Variants in TET2 observed in about 807,000 individuals in gnomAD.
TET2 encodes methylcytosine dioxygenase TET2.
In TET2, 299 loss-of-function variants were observed where a neutral mutation model predicts 142.9. The ratio of observed to expected loss-of-function variants is 2.09; its 90% CI spans 1.90 to 2.30. The LOEUF is 2.30. Among genes scored for constraint, TET2 ranks in the 30% most tolerant of loss-of-function variants. The probability of loss-of-function intolerance (pLI) is 0.00; values close to 1 mark genes in which losing one functional copy is unlikely to be tolerated. For synonymous variants in TET2, 819 were observed against 849.0 expected (o/e 0.96, Z 0.61); for missense variants, 2,418 against 2,378.0 (o/e 1.02, Z -0.35).
intron 1 of TET2, among the ~76,000 whole-genome samples, chr4:105,172,985 G>C (rs186988147): frequency 2.6e-5 from 4 of 152,182 alleles, no homozygotes; most frequent in Admixed American, 2.6e-4. Flanking sequence ...ATTTTTCAGA[G>C]CAGAAAGCAA....
At chr4:105,146,588 GAGGGCCCC>G (rs1284851050), upstream of TET2, 1 of 153,180 alleles carries the variant, frequency 6.5e-6, no homozygotes, top group Non-Finnish European at 1.5e-5. Context: ...AGCCGGGGCT[GAGGGCCCC>G]AGGGCGGCGG....
rs760736818 is a variant in TET2 at position 105,276,447 on chromosome 4, C to T, written c.5937C>T (p.Thr1979=). The T allele has an allele frequency of 1.3e-6, 2 of 1,551,778 alleles. No individual in the cohort carries two copies. Among genetic ancestry groups the T allele is most frequent in the South Asian group, 1.2e-5 (1 of 84,052 alleles). The change falls in exon 11 of 11, where the codon ACC becomes ACT. Residue 1979 remains threonine (T), a synonymous_variant. Transcript: ENST00000380013. ...KSLAERTMSV[T]TDSTVTTSPY... Reference sequence around the variant, plus strand: ...TTGCCGAAAGGACCATGTCCGTGACCACAGACTCCACAGTAACTACATCTC... The same window carrying T: ...TTGCCGAAAGGACCATGTCCGTGACTACAGACTCCACAGTAACTACATCTC...
At chr4:105,255,726 A>G (rs1021370997) in intron 6 of TET2, among the ~76,000 whole-genome samples, 2 of 152,092 alleles carry the variant, frequency 1.3e-5, no homozygotes, top group African/African-American at 2.4e-5. Context: ...TCTTGTAGAT[A>G]TCGTATAGTT....
At chr4:105,250,292 G>GT (rs935871999) in intron 6 of TET2, among the ~76,000 whole-genome samples, 1 of 151,220 alleles carries the variant, frequency 6.6e-6, no homozygotes, top group African/African-American at 2.4e-5. Context: ...ATCAAGACAG[G>GT]TAAGTCTTCC....
In TET2 at chr4:105,264,114, T is replaced by C. The variant is rs184526383; in HGVS notation, c.4044+2266T>C. ...TAACGTCCCAAACATTTTTTTTTTT[T>C]TTTGGTTCGAACAATAGAGGCAAAT... is the stretch of plus-strand genomic sequence containing the variant. On this transcript the variant is annotated intron_variant, in intron 8 of 10. Coordinates refer to ENST00000380013, the MANE Select transcript of TET2 (RefSeq NM_001127208.3). 3.8e-3 allele frequency among the ~76,000 whole-genome samples: 571 copies of C among 152,256 alleles called. 2 individuals are homozygous for C. Among genetic ancestry groups the C allele is most frequent in the Non-Finnish European group, 5.6e-3 (380 of 68,004 alleles).
intron 8 of TET2, 141 bp from the exon 9 acceptor site, chr4:105,269,469 G>T: frequency 1.2e-6 from 1 of 844,502 alleles, no homozygotes; most frequent in Admixed American, 2.8e-5. Context: ...GCTCTATTTT[G>T]TGTCATTCCA....
intron 8 of TET2, among the ~76,000 whole-genome samples, chr4:105,265,234 A>G (rs1003156505): frequency 2.0e-5 from 3 of 152,220 alleles, no homozygotes; most frequent in African/African-American, 7.2e-5. Flanking sequence ...CACTAGCCAC[A>G]TGTGGTTATT....
At chr4:105,265,816 G>T (rs1048217472) in intron 8 of TET2, among the ~76,000 whole-genome samples, 2 of 152,154 alleles carry the variant, frequency 1.3e-5, no homozygotes, top group Admixed American at 1.3e-4. Context: ...AGTGGCACCA[G>T]AGAGAAAGGA....
chr4:105,215,047 C>T (rs563609601), intron 2 of TET2, among the ~76,000 whole-genome samples: 26 of 152,074 alleles, frequency 1.7e-4, no homozygotes, highest in African/African-American at 5.5e-4. Context: ...ACACTGTCTC[C>T]GGGAATTAAA....
chr4:105,265,175 T>C (rs2110293828), intron 8 of TET2, among the ~76,000 whole-genome samples: 1 of 152,336 alleles, frequency 6.6e-6, no homozygotes, highest in South Asian at 2.1e-4. Flanking sequence ...TAAGAGAGCT[T>C]TCTATGAAGA....
intron 2 of TET2, among the ~76,000 whole-genome samples, chr4:105,215,438 C>G (rs1727436749): frequency 6.6e-6 from 1 of 151,840 alleles, no homozygotes; most frequent in Non-Finnish European, 1.5e-5. Flanking sequence ...TATTTATTAC[C>G]AAAAAGCCTG....
At chr4:105,184,161 T>G (rs1273281793) in intron 1 of TET2, among the ~76,000 whole-genome samples, 1 of 152,172 alleles carries the variant, frequency 6.6e-6, no homozygotes, top group Non-Finnish European at 1.5e-5. Context: ...GTGATGTTTA[T>G]AGGGTATTTT....
intron 2 of TET2, among the ~76,000 whole-genome samples, chr4:105,205,435 T>A (rs1229329379): frequency 6.6e-6 from 1 of 152,192 alleles, no homozygotes; most frequent in East Asian, 1.9e-4. Flanking sequence ...TCTAGAACAG[T>A]AAGCAAATCA....
chr4:105,242,038 T>C (rs1244243872), intron 4 of TET2: 1 of 1,237,860 alleles, frequency 8.1e-7, no homozygotes, highest in Non-Finnish European at 1.0e-6. Context: ...AGAGAAGGCC[T>C]TTCATATAAA....
At chr4:105,253,125 A>G (rs1305112440) in intron 6 of TET2, among the ~76,000 whole-genome samples, 1 of 152,090 alleles carries the variant, frequency 6.6e-6, no homozygotes, top group Non-Finnish European at 1.5e-5. Flanking sequence ...TTTGCCTATT[A>G]CTAAGTAAAA....
chr4:105,168,309 C>T (rs929630536), intron 1 of TET2, among the ~76,000 whole-genome samples: 8 of 152,130 alleles, frequency 5.3e-5, no homozygotes, highest in Non-Finnish European at 1.0e-4. Context: ...TTTCTGATTC[C>T]ATTTCTTGCC....
chr4:105,146,152 A>T (rs1425414550), upstream of TET2: 1 of 152,610 alleles, frequency 6.6e-6, no homozygotes, highest in Non-Finnish European at 1.5e-5. Flanking sequence ...CGGGGGCCAG[A>T]GCGAGGGCAC....
chr4:105,252,563 G>C (rs1320219428), intron 6 of TET2, among the ~76,000 whole-genome samples: 1 of 152,150 alleles, frequency 6.6e-6, no homozygotes, highest in Non-Finnish European at 1.5e-5. Flanking sequence ...GACAGTAAGA[G>C]TAAGAAATAT....
At chr4:105,256,631 T>A (rs1005418046) in intron 6 of TET2, among the ~76,000 whole-genome samples, 4 of 152,310 alleles carry the variant, frequency 2.6e-5, no homozygotes, top group Admixed American at 6.5e-5. Flanking sequence ...TAGATTGATG[T>A]TGTTCATCAA....
Sources: allele counts gnomAD v4.1 joint callset (sites outside exome capture counted in the v4.1 genomes callset), GRCh38; gene constraint gnomAD v4.1.1; transcripts MANE v1.5; gene names NCBI Gene and HGNC (gene_info 2026-07-23, HGNC 2026-07-21).